Variants in OSBPL1A observed in about 807,000 individuals in gnomAD.
OSBPL1A encodes the protein oxysterol binding protein like 1A, also known as oxysterol-binding protein-related protein 1.
In OSBPL1A, 80 loss-of-function variants were observed where a neutral mutation model predicts 137.1. The observed-to-expected ratio is 0.58, with a 90% CI of 0.49 to 0.70. The LOEUF (loss-of-function observed/expected upper bound fraction) is 0.70. OSBPL1A is among the 30% of genes least tolerant of loss of function. The pLI, the probability that OSBPL1A is intolerant of heterozygous loss-of-function variation, is 0.00. For synonymous variants in OSBPL1A, 365 were observed against 389.7 expected, an observed-to-expected ratio of 0.94 and a Z score of 0.75; for missense variants, 970 against 1,129.4, an observed-to-expected ratio of 0.86 and a Z score of 2.02.
Position 24,163,018 on chromosome 18 carries a change from T to C in OSBPL1A, c.*161A>G. On this transcript the variant is annotated 3_prime_UTR_variant, in exon 28 of 28. Transcript: ENST00000319481. ...TTTCCTAAGACTTTCATCACCAATA[T>C]CGCCTTATACCCTGCTTTTGTTGGG... 1 of 507,986 alleles carries C rather than the reference T, an allele frequency of 2.0e-6. No individual in the cohort carries two copies. Among genetic ancestry groups the C allele is most frequent in the East Asian group, 3.4e-5 (1 of 29,060 alleles). The allele number at this position is 507,986 out of a possible 1,614,324, so 31.5% of individuals were successfully genotyped here. A position where few individuals can be genotyped will look rare whatever the true frequency, so the allele number is the denominator to read the frequency against.
intron 4 of OSBPL1A, among the ~76,000 whole-genome samples, chr18:24,350,314 T>C (rs984198081): frequency 6.6e-6 from 1 of 152,250 alleles, no homozygotes; most frequent in African/African-American, 2.4e-5. Flanking sequence ...AAGCCACACA[T>C]TGTAGAACAT....
In OSBPL1A at chr18:24,334,249, G is replaced by A. The variant is rs148840672; in HGVS notation, c.476C>T (p.Ala159Val). Residue 159 changes from alanine (A) to valine (V), a missense_variant, in exon 6 of 28, where the codon GCT becomes GTT. Coordinates refer to ENST00000319481, the MANE Select transcript of OSBPL1A (RefSeq NM_080597.4). ...GGGGTTTTTTGTTTGTTTTACCAGA[G>A]CTGTGAGTTCTGTTGTTTTGCCTTC... ...AREGKTTELTALLNRPNPPDV... is the reference protein window; with the variant it reads ...AREGKTTELTVLLNRPNPPDV... 5.5e-4 allele frequency: 877 copies of A among 1,607,924 alleles called. 8 individuals are homozygous for A. In the East Asian group the frequency reaches 0.016, roughly 29 times the overall value.
Position 24,334,469 on chromosome 18 carries a change from T to TCAATAAATA in OSBPL1A, c.395-140_395-139insTATTTATTG, listed in dbSNP as rs2091136790. The TCAATAAATA allele has an allele frequency of 7.2e-6, 4 of 553,264 alleles. No homozygotes were observed. In the South Asian group the frequency reaches 8.9e-5, roughly 12 times the overall value. The allele number at this position is 553,264 out of a possible 1,614,324, so 34.3% of individuals were successfully genotyped here. A position where few individuals can be genotyped will look rare whatever the true frequency, so the allele number is the denominator to read the frequency against. On this transcript the variant is annotated intron_variant, in intron 5 of 27. Coordinates refer to ENST00000319481, the MANE Select transcript of OSBPL1A (RefSeq NM_080597.4). ...AAATGCAGTTAAAATTTATTGTTAT[T>TCAATAAATA]ACCTTACAATTCAGATTACAGAATT...
chr18:24,218,891 A>C (rs546631863), intron 17 of OSBPL1A, among the ~76,000 whole-genome samples: 61 of 152,336 alleles, frequency 4.0e-4, no homozygotes, highest in African/African-American at 1.5e-3. Flanking sequence ...TGTGCGGTAT[A>C]TATATTTCAA....
At chr18:24,324,679 G>T (rs2090936781) in intron 7 of OSBPL1A, among the ~76,000 whole-genome samples, 2 of 149,744 alleles carry the variant, frequency 1.3e-5, no homozygotes, top group Admixed American at 6.7e-5. Flanking sequence ...AGCTACTCAG[G>T]AGGCTGAGGT....
chr18:24,244,751 T>G (rs1325197003), intron 15 of OSBPL1A, among the ~76,000 whole-genome samples: 1 of 152,164 alleles, frequency 6.6e-6, no homozygotes, highest in Non-Finnish European at 1.5e-5. Flanking sequence ...AGCAAGAGAA[T>G]GCAGAGTTTT....
chr18:24,279,691 T>C (rs957339401), intron 15 of OSBPL1A, among the ~76,000 whole-genome samples: 3 of 152,090 alleles, frequency 2.0e-5, no homozygotes, highest in South Asian at 2.1e-4. Context: ...TTGACTTACA[T>C]TGAAATCATA....
rs1214004248 is a variant in OSBPL1A at position 24,189,472 on chromosome 18, T to C, written c.1677+6653A>G. Among the ~76,000 whole-genome samples, 7 of 152,282 alleles carry C rather than the reference T, an allele frequency of 4.6e-5. No homozygotes were observed. The East Asian group carries it at 1.4e-3, about 29-fold the overall frequency. ...GCTCGCTCCACTGACAGCCGGGGGC[T>C]GGCGGCAGTCAGCTGTCCCCTGGAC... On this transcript the variant is annotated intron_variant, in intron 18 of 27. Transcript: ENST00000319481.
At chr18:24,314,607 T>C (rs2090685572) in intron 11 of OSBPL1A, among the ~76,000 whole-genome samples, 1 of 152,200 alleles carries the variant, frequency 6.6e-6, no homozygotes, top group Admixed American at 6.5e-5. Context: ...GTTTTATTTT[T>C]ATCTTTTCTT....
At chr18:24,368,428 G>A (rs78566462) in intron 2 of OSBPL1A, 56 bp from the exon 3 acceptor site, 56 of 1,277,438 alleles carry the variant, frequency 4.4e-5, no homozygotes, top group Non-Finnish European at 5.9e-5. Context: ...ATTTTACAAC[G>A]AAATTAACTT....
At chr18:24,325,686 A>T (rs996712818) in intron 7 of OSBPL1A, among the ~76,000 whole-genome samples, 1 of 152,194 alleles carries the variant, frequency 6.6e-6, no homozygotes, top group Non-Finnish European at 1.5e-5. Flanking sequence ...TGAGCTCAAG[A>T]GCACGGGGAC....
At chr18:24,219,276 G>T (rs529192483) in intron 17 of OSBPL1A, among the ~76,000 whole-genome samples, 1 of 152,172 alleles carries the variant, frequency 6.6e-6, no homozygotes, top group African/African-American at 2.4e-5. Flanking sequence ...CTGGGCAATG[G>T]GGTGAGACCC....
intron 16 of OSBPL1A, among the ~76,000 whole-genome samples, chr18:24,238,229 G>T (rs150293949): frequency 3.3e-5 from 5 of 152,190 alleles, no homozygotes; most frequent in African/African-American, 9.6e-5. Context: ...AATACACCAA[G>T]ATTTCTTGCA....
At chr18:24,249,108 A>G (rs1394697711) in intron 15 of OSBPL1A, among the ~76,000 whole-genome samples, 1 of 152,220 alleles carries the variant, frequency 6.6e-6, no homozygotes, top group African/African-American at 2.4e-5. Context: ...TTTGCTCTTC[A>G]ACTGCAAAGT....
intron 17 of OSBPL1A, among the ~76,000 whole-genome samples, chr18:24,202,117 G>A (rs1018601306): frequency 3.9e-5 from 6 of 152,230 alleles, no homozygotes; most frequent in Middle Eastern, 3.4e-3. Flanking sequence ...GCAGGAGGTC[G>A]GGGAGGTGTC....
chr18:24,164,206 C>T (rs1478886142), intron 27 of OSBPL1A, among the ~76,000 whole-genome samples: 2 of 152,084 alleles, frequency 1.3e-5, no homozygotes, highest in Non-Finnish European at 2.9e-5. Context: ...TGAAGACATA[C>T]AAATAGGCAA....
chr18:24,395,280 C>T (rs995513776), intron 1 of OSBPL1A, among the ~76,000 whole-genome samples: 7 of 152,210 alleles, frequency 4.6e-5, no homozygotes, highest in Non-Finnish European at 8.8e-5. Flanking sequence ...CACTTGATAT[C>T]ATATTCTCTC....
In OSBPL1A at chr18:24,196,249, G is replaced by A. The variant is rs553845368; in HGVS notation, c.1602-49C>T. ...AAAGTTCATTCTAATGCCATTGTCA[G>A]CAGGAGGGAAGAACTGCTTTCATTC... On this transcript the variant is annotated intron_variant, in intron 17 of 27. Transcript: ENST00000319481. 6.9e-5 allele frequency: 91 copies of A among 1,327,544 alleles called. 1 individual carries two copies. In the South Asian group the frequency reaches 1.1e-3, roughly 16 times the overall value. 82.2% of individuals were successfully genotyped at this position (1,327,544 alleles called of 1,614,324 possible).
chr18:24,211,570 C>T (rs2087546525), intron 17 of OSBPL1A, among the ~76,000 whole-genome samples: 1 of 151,908 alleles, frequency 6.6e-6, no homozygotes, highest in South Asian at 2.1e-4. Flanking sequence ...CACAAGAGTC[C>T]AAAATCTCTA....
Sources: gnomAD v4.1 joint callset for allele counts (sites outside exome capture counted in the v4.1 genomes callset) on GRCh38, gnomAD v4.1.1 for gene constraint, MANE v1.5 for transcripts, NCBI Gene and HGNC (gene_info 2026-07-23, HGNC 2026-07-21) for gene names.